The following ATXN7L1 variants were observed in gnomAD, a reference collection of about 807,000 sequenced individuals.
ATXN7L1 encodes ataxin-7-like protein 1.
A neutral mutation model predicts 70.8 loss-of-function variants in ATXN7L1; 15 were observed. That is an observed-to-expected ratio of 0.21 (90% CI 0.14 to 0.33). ATXN7L1 has a LOEUF of 0.33. Ranked by LOEUF, ATXN7L1 falls within the 10% of genes least tolerant of loss-of-function variation. ATXN7L1 has a pLI of 1.00. For synonymous variants in ATXN7L1, 440 were observed against 445.1 expected (o/e 0.99, Z 0.14); for missense variants, 975 against 1,097.1 (o/e 0.89, Z 1.57).
At position 105,625,266 on chromosome 7, in the gene ATXN7L1, T is replaced by C. The variant is rs1795528578; in HGVS notation, c.1203-999A>G. ...TTACATTTATTTATTTATTTGTTTG[T>C]TTACGAAACACTCTCACTCTGTCGC... On this transcript the variant is annotated intron_variant, in intron 7 of 11. Transcript: ENST00000419735. Among the ~76,000 whole-genome samples, 3 of 152,234 alleles carry C rather than the reference T, an allele frequency of 2.0e-5. No homozygotes were observed. In the South Asian group the frequency reaches 6.2e-4, roughly 31 times the overall value.
rs139842366 is a variant in ATXN7L1, at chr7:105,803,631, G to A, written c.251-14923C>T. 3.6e-4 allele frequency among the ~76,000 whole-genome samples: 55 copies of A among 152,302 alleles called. 1 individual carries two copies. The highest frequency in any genetic ancestry group is 1.3e-3 in the African/African-American group (54 of 41,564). On this transcript the variant is annotated intron_variant, in intron 2 of 11. Coordinates refer to ENST00000419735, the MANE Select transcript of ATXN7L1 (RefSeq NM_020725.2). Reference sequence around the variant, plus strand: ...TGGAATCTTTCAGGAGCTCTTAGGGGACAGATGACTGGGTTCCAGCCAGCC... The same window carrying A: ...TGGAATCTTTCAGGAGCTCTTAGGGAACAGATGACTGGGTTCCAGCCAGCC...
chr7:105,781,800 A>G (rs1803571411), intron 3 of ATXN7L1, among the ~76,000 whole-genome samples: 1 of 152,294 alleles, frequency 6.6e-6, no homozygotes, highest in East Asian at 1.9e-4. Flanking sequence ...AACCTGCCCA[A>G]GGTCACACAG....
chr7:105,740,198 T>C (rs1314835862), intron 3 of ATXN7L1, among the ~76,000 whole-genome samples: 1 of 152,176 alleles, frequency 6.6e-6, no homozygotes, highest in African/African-American at 2.4e-5. Context: ...AGAATCTGTG[T>C]CACCTAGCAG....
At chr7:105,638,648 C>A in intron 6 of ATXN7L1, 39 bp from the exon 7 acceptor site, 2 of 1,526,788 alleles carry the variant, frequency 1.3e-6, no homozygotes, top group South Asian at 1.2e-5. Flanking sequence ...CCTCTTTGAT[C>A]AGCACATAAA....
At chr7:105,692,428 C>CCTTCCCTCCCTCCTTCCTTCCTTCCTT (rs1554431706) in intron 3 of ATXN7L1, among the ~76,000 whole-genome samples, 1 of 53,762 alleles carries the variant, frequency 1.9e-5, no homozygotes, top group African/African-American at 9.6e-5. Flanking sequence ...CTTCCTTCCT[C>CCTTCCCTCCCTCCTTCCTTCCTTCCTT]CCTCCCTCCC....
chr7:105,709,273 GC>G (rs1246845328), intron 3 of ATXN7L1, among the ~76,000 whole-genome samples: 1 of 152,190 alleles, frequency 6.6e-6, no homozygotes, highest in Non-Finnish European at 1.5e-5. Flanking sequence ...AGCGGAGGTT[GC>G]AGTGAGCCGA....
At chr7:105,835,150 T>TG (rs1554477920) in intron 2 of ATXN7L1, among the ~76,000 whole-genome samples, 1 of 4,100 alleles carries the variant, frequency 2.4e-4, no homozygotes, top group Non-Finnish European at 5.0e-4. Flanking sequence ...AAGTGTGTGG[T>TG]TTTTTTTTTT....
chr7:105,679,414 C>G (rs1470592326), intron 3 of ATXN7L1, among the ~76,000 whole-genome samples: 1 of 152,136 alleles, frequency 6.6e-6, no homozygotes, highest in Non-Finnish European at 1.5e-5. Flanking sequence ...GGTCCCCGGT[C>G]CCCAGGCAGC....
intron 3 of ATXN7L1, chr7:105,761,540 G>A (rs1171010313): frequency 1.3e-6 from 2 of 1,561,534 alleles, no homozygotes; most frequent in Non-Finnish European, 1.7e-6. Context: ...ATTTGTAAAT[G>A]ATTACTCATG....
intron 3 of ATXN7L1, among the ~76,000 whole-genome samples, chr7:105,784,911 G>A (rs1197119049): frequency 6.6e-6 from 1 of 152,196 alleles, no homozygotes. Context: ...AAAAAGTTAG[G>A]AGAAGGCTGC....
chr7:105,864,469 A>AG (rs1249054661), intron 2 of ATXN7L1, among the ~76,000 whole-genome samples: 3 of 149,302 alleles, frequency 2.0e-5, no homozygotes, highest in Non-Finnish European at 4.5e-5. Context: ...AAAAAAAAAA[A>AG]AAAAAAAAAA....
intron 7 of ATXN7L1, among the ~76,000 whole-genome samples, chr7:105,633,311 G>A (rs1216194408): frequency 1.3e-5 from 2 of 152,312 alleles, no homozygotes; most frequent in East Asian, 1.9e-4. Context: ...CAGGAAACAG[G>A]CGCTTGAACA....
At chr7:105,745,637 C>A (rs1267713336) in intron 3 of ATXN7L1, among the ~76,000 whole-genome samples, 1 of 152,216 alleles carries the variant, frequency 6.6e-6, no homozygotes, top group African/African-American at 2.4e-5. Flanking sequence ...CACTGCATGG[C>A]CACGCAATGC....
chr7:105,803,273 C>T (rs1427089021), intron 2 of ATXN7L1, among the ~76,000 whole-genome samples: 3 of 152,244 alleles, frequency 2.0e-5, no homozygotes, highest in Non-Finnish European at 4.4e-5. Flanking sequence ...TGCATCCACA[C>T]CACAGGGCTC....
chr7:105,723,812 A>G (rs669959), intron 3 of ATXN7L1, among the ~76,000 whole-genome samples: 57,147 of 152,074 alleles, frequency 0.38, 11,888 homozygotes, highest in African/African-American at 0.57. Flanking sequence ...GGGCTGTTTA[A>G]CAGGGCCGCC....
intron 3 of ATXN7L1, among the ~76,000 whole-genome samples, chr7:105,702,734 C>T (rs987508028): frequency 6.6e-6 from 1 of 151,780 alleles, no homozygotes; most frequent in Non-Finnish European, 1.5e-5. Flanking sequence ...AATCCCAGCA[C>T]GTTGGGAGAC....
chr7:105,829,611 C>T (rs1811324642), intron 2 of ATXN7L1, among the ~76,000 whole-genome samples: 1 of 152,156 alleles, frequency 6.6e-6, no homozygotes, highest in African/African-American at 2.4e-5. Context: ...CACAAATATA[C>T]ACTCATTGAG....
At chr7:105,820,303 A>G (rs1809948114) in intron 2 of ATXN7L1, among the ~76,000 whole-genome samples, 1 of 152,226 alleles carries the variant, frequency 6.6e-6, no homozygotes, top group Non-Finnish European at 1.5e-5. Context: ...CTTAATATTC[A>G]TACTGGGGTA....
intron 3 of ATXN7L1, among the ~76,000 whole-genome samples, chr7:105,705,383 A>G (rs1213377460): frequency 6.6e-6 from 1 of 152,134 alleles, no homozygotes; most frequent in Non-Finnish European, 1.5e-5. Flanking sequence ...GAACACATGC[A>G]TCTTTTTGGC....
Sources: gnomAD v4.1 joint callset for allele counts (sites outside exome capture counted in the v4.1 genomes callset) on GRCh38, gnomAD v4.1.1 for gene constraint, MANE v1.5 for transcripts, NCBI Gene and HGNC (gene_info 2026-07-23, HGNC 2026-07-21) for gene names.